Variants in SYNPR observed in about 807,000 individuals in gnomAD.
The protein encoded by SYNPR is synaptoporin.
In SYNPR, 23 loss-of-function variants were observed where a neutral mutation model predicts 32.9. The ratio of observed to expected loss-of-function variants is 0.70; its 90% confidence interval spans 0.50 to 0.99. The LOEUF is 0.99. Ranked by LOEUF, SYNPR falls within the 50% of genes least tolerant of loss-of-function variation. SYNPR has a pLI of 0.00. For missense variants in SYNPR, 318 were observed against 349.3 expected (o/e 0.91, Z 0.71); for synonymous variants, 146 against 135.9 (o/e 1.07, Z -0.52).
intron 1 of SYNPR, among the ~76,000 whole-genome samples, chr3:63,245,464 G>T (rs903692133): frequency 6.6e-6 from 1 of 151,860 alleles, no homozygotes; most frequent in African/African-American, 2.4e-5. Context: ...GGGCATTTTT[G>T]GTGATAGAAA....
intron 2 of SYNPR, among the ~76,000 whole-genome samples, chr3:63,402,704 C>A (rs2088308487): frequency 6.6e-6 from 1 of 152,206 alleles, no homozygotes; most frequent in Admixed American, 6.5e-5. Context: ...TCTTGCAAAC[C>A]TTTGCTTTAG....
chr3:63,219,437 A>G, the SYNPR span, among the ~76,000 whole-genome samples: 1 of 152,088 alleles, frequency 6.6e-6, no homozygotes, highest in Non-Finnish European at 1.5e-5. Flanking sequence ...TTGATATGGG[A>G]AACCTTTGAA....
intron 2 of SYNPR, among the ~76,000 whole-genome samples, chr3:63,348,585 G>A (rs2087468037): frequency 6.6e-6 from 1 of 152,112 alleles, no homozygotes; most frequent in African/African-American, 2.4e-5. Context: ...TGACATCTTA[G>A]TTTATTAATT....
At chr3:63,234,502 G>A (rs2106875608) in intron 1 of SYNPR, among the ~76,000 whole-genome samples, 1 of 152,222 alleles carries the variant, frequency 6.6e-6, no homozygotes, top group South Asian at 2.1e-4. Flanking sequence ...GGTCAAGATG[G>A]AAGAAAATGA....
At chr3:63,371,871 A>AC (rs1162514672) in intron 2 of SYNPR, among the ~76,000 whole-genome samples, 2 of 151,998 alleles carry the variant, frequency 1.3e-5, no homozygotes, top group Non-Finnish European at 2.9e-5. Flanking sequence ...CAGTAGTACC[A>AC]CCCTAACCAC....
chr3:63,481,413 C>A (rs1276542145), intron 3 of SYNPR, among the ~76,000 whole-genome samples: 3 of 149,366 alleles, frequency 2.0e-5, no homozygotes, highest in Non-Finnish European at 4.4e-5. Flanking sequence ...TGGAACACAT[C>A]CTTAATATTT....
At chr3:63,531,562 C>T (rs1702112619) in intron 3 of SYNPR, among the ~76,000 whole-genome samples, 1 of 152,144 alleles carries the variant, frequency 6.6e-6, no homozygotes, top group African/African-American at 2.4e-5. Flanking sequence ...TCTGCAATGA[C>T]CTCGCTTCCA....
intron 2 of SYNPR, among the ~76,000 whole-genome samples, chr3:63,266,718 A>C (rs563941336): frequency 3.4e-5 from 4 of 119,176 alleles, no homozygotes; most frequent in South Asian, 5.9e-4. Flanking sequence ...AAAAAAAAAA[A>C]CACAAAAAAC....
At chr3:63,470,919 G>A (rs774183748) in intron 2 of SYNPR, among the ~76,000 whole-genome samples, 27 of 152,238 alleles carry the variant, frequency 1.8e-4, no homozygotes, top group Admixed American at 7.2e-4. Flanking sequence ...TTTGTTTAAG[G>A]CCCCGTAGGT....
intron 2 of SYNPR, among the ~76,000 whole-genome samples, chr3:63,429,480 T>A (rs552892813): frequency 6.6e-6 from 1 of 152,202 alleles, no homozygotes; most frequent in African/African-American, 2.4e-5. Flanking sequence ...ATTTTAGCCA[T>A]CTTTGGAATC....
chr3:63,603,669 C>T (rs1700076603), intron 4 of SYNPR, among the ~76,000 whole-genome samples: 2 of 152,120 alleles, frequency 1.3e-5, no homozygotes, highest in African/African-American at 4.8e-5. Flanking sequence ...TATGTAGCAC[C>T]AACCTTGCAT....
intron 2 of SYNPR, among the ~76,000 whole-genome samples, chr3:63,400,471 G>A (rs2088276410): frequency 6.6e-6 from 1 of 152,250 alleles, no homozygotes; most frequent in Admixed American, 6.5e-5. Flanking sequence ...CCTGTTGGCA[G>A]AATGCCTTAT....
At chr3:63,494,546 T>C (rs1701335627) in intron 3 of SYNPR, among the ~76,000 whole-genome samples, 1 of 148,826 alleles carries the variant, frequency 6.7e-6, no homozygotes, top group Non-Finnish European at 1.5e-5. Flanking sequence ...GCAAAGATCA[T>C]CATCATCATC....
chr3:63,600,341 G>A (rs1175553471), intron 4 of SYNPR, among the ~76,000 whole-genome samples: 1 of 152,152 alleles, frequency 6.6e-6, no homozygotes, highest in East Asian at 1.9e-4. Context: ...GAGGGGACAG[G>A]CATGGGTCAA....
At chr3:63,451,923 C>G in intron 2 of SYNPR, 1 of 552,174 alleles carries the variant, frequency 1.8e-6, no homozygotes, top group East Asian at 2.9e-5. Context: ...CTCCCAGGCT[C>G]CTTCCCTCAG....
At chr3:63,281,360 C>T (rs1378851620) in intron 2 of SYNPR, among the ~76,000 whole-genome samples, 1 of 152,132 alleles carries the variant, frequency 6.6e-6, no homozygotes, top group Non-Finnish European at 1.5e-5. Flanking sequence ...TGCAATTTCC[C>T]CATGCTGTAG....
At chr3:63,404,211 A>G (rs1323853453) in intron 2 of SYNPR, among the ~76,000 whole-genome samples, 2 of 152,180 alleles carry the variant, frequency 1.3e-5, no homozygotes, top group African/African-American at 4.8e-5. Context: ...AATTATGGTG[A>G]TTACGTTTTT....
chr3:63,595,843 AG>A (rs1699946482), intron 4 of SYNPR, among the ~76,000 whole-genome samples: 2 of 74,838 alleles, frequency 2.7e-5, no homozygotes, highest in African/African-American at 1.1e-4. Flanking sequence ...TTATATATAT[AG>A]TTTTATATAT....
At chr3:63,481,025 G>T in intron 3 of SYNPR, 69 bp downstream of exon 3, 1 of 1,549,544 alleles carries the variant, frequency 6.5e-7, no homozygotes, top group South Asian at 1.2e-5. Flanking sequence ...CTTTGTCTCA[G>T]AAAAAATGCA....
Sources: allele counts gnomAD v4.1 joint callset (sites outside exome capture counted in the v4.1 genomes callset), GRCh38; gene constraint gnomAD v4.1.1; transcripts MANE v1.5; gene names NCBI Gene and HGNC (gene_info 2026-07-23, HGNC 2026-07-21).